Variants in THSD7B observed in about 807,000 individuals in gnomAD.
THSD7B encodes thrombospondin type 1 domain containing 7B, also known as thrombospondin type-1 domain-containing protein 7B.
In THSD7B, 138 loss-of-function variants were observed where a neutral mutation model predicts 213.6. The observed-to-expected ratio is 0.65, with a 90% confidence interval of 0.56 to 0.74. The LOEUF (loss-of-function observed/expected upper bound fraction) is 0.74. Ranked by LOEUF, THSD7B falls within the 30% of genes least tolerant of loss-of-function variation. THSD7B has a pLI of 0.00. For missense variants in THSD7B, 1,931 were observed against 1,991.5 expected (o/e 0.97, Z 0.58); for synonymous variants, 742 against 687.0 (o/e 1.08, Z -1.25).
chr2:137,627,337 G>T (rs1231699521), intron 20 of THSD7B, among the ~76,000 whole-genome samples: 1 of 152,152 alleles, frequency 6.6e-6, no homozygotes, highest in Non-Finnish European at 1.5e-5. Flanking sequence ...CTTTTGGTGG[G>T]CACAAACCAC....
At chr2:137,231,470 G>A (rs1681637859) in intron 8 of THSD7B, among the ~76,000 whole-genome samples, 1 of 152,058 alleles carries the variant, frequency 6.6e-6, no homozygotes, top group Non-Finnish European at 1.5e-5. Flanking sequence ...ACCTGTGTAT[G>A]GGCCATGGCA....
At chr2:137,651,565 C>A (rs1268943866) in intron 21 of THSD7B, among the ~76,000 whole-genome samples, 1 of 151,786 alleles carries the variant, frequency 6.6e-6, no homozygotes, top group Non-Finnish European at 1.5e-5. Flanking sequence ...TGACTTATGG[C>A]TACTCTGATG....
chr2:137,376,527 A>T (rs906832552), intron 12 of THSD7B, among the ~76,000 whole-genome samples: 1 of 152,204 alleles, frequency 6.6e-6, no homozygotes, highest in Non-Finnish European at 1.5e-5. Flanking sequence ...GAAGAGATAC[A>T]GGTGAAACTT....
chr2:137,263,561 A>G (rs192265048), intron 10 of THSD7B, among the ~76,000 whole-genome samples: 114 of 152,258 alleles, frequency 7.5e-4, no homozygotes, highest in East Asian at 4.8e-3. Flanking sequence ...AAGAATATAG[A>G]GTACATTTTT....
intron 2 of THSD7B, among the ~76,000 whole-genome samples, chr2:136,928,626 A>C (rs1262517995): frequency 2.0e-5 from 3 of 152,204 alleles, no homozygotes; most frequent in Non-Finnish European, 4.4e-5. Context: ...CATACAAAAA[A>C]TAACTGTATT....
chr2:136,960,821 G>A (rs764591417), intron 2 of THSD7B, among the ~76,000 whole-genome samples: 1 of 151,244 alleles, frequency 6.6e-6, no homozygotes, highest in African/African-American at 2.4e-5. Context: ...CGGGCGCAGT[G>A]GCTCAGGCCT....
chr2:136,890,459 TCTC>T (rs1401237654), intron 2 of THSD7B, among the ~76,000 whole-genome samples: 429 of 1,658 alleles, frequency 0.26, 180 homozygotes, highest in Non-Finnish European at 0.6. Flanking sequence ...TTCTTCTTCT[TCTC>T]CTTTCTTCTC....
chr2:137,489,266 A>G (rs1004548753), intron 15 of THSD7B, among the ~76,000 whole-genome samples: 2 of 151,930 alleles, frequency 1.3e-5, no homozygotes, highest in African/African-American at 4.8e-5. Context: ...CTCTACTAAA[A>G]TACAAAAAAT....
intron 2 of THSD7B, among the ~76,000 whole-genome samples, chr2:137,039,708 G>T (rs533847566): frequency 2.1e-4 from 32 of 152,352 alleles, no homozygotes; most frequent in African/African-American, 7.2e-4. Context: ...TCCTGCTGAA[G>T]GTCACACAGT....
intron 14 of THSD7B, among the ~76,000 whole-genome samples, chr2:137,414,408 G>A (rs6711149): frequency 0.085 from 12,902 of 151,496 alleles, 1,171 homozygotes; most frequent in African/African-American, 0.22. Context: ...GTGTGTGTGT[G>A]TATATATATA....
chr2:136,880,270 T>C (rs1369279709), intron 1 of THSD7B, among the ~76,000 whole-genome samples: 1 of 152,146 alleles, frequency 6.6e-6, no homozygotes, highest in Non-Finnish European at 1.5e-5. Flanking sequence ...AGCTATTTCT[T>C]TTCCTTGGCC....
chr2:137,315,314 T>C (rs536296553), intron 12 of THSD7B, among the ~76,000 whole-genome samples: 1 of 152,308 alleles, frequency 6.6e-6, no homozygotes, highest in South Asian at 2.1e-4. Context: ...GAAAGGGAAC[T>C]CCCTGACCCC....
intron 21 of THSD7B, among the ~76,000 whole-genome samples, chr2:137,646,487 C>CAAAA (rs35479231): frequency 1.2e-4 from 11 of 93,730 alleles, no homozygotes; most frequent in Non-Finnish European, 1.7e-4. Context: ...ACTACAAATA[C>CAAAA]AAAAAAAAAA....
chr2:137,450,432 T>C (rs914361863), intron 14 of THSD7B, among the ~76,000 whole-genome samples: 1 of 152,218 alleles, frequency 6.6e-6, no homozygotes, highest in Non-Finnish European at 1.5e-5. Context: ...TAAACATCTT[T>C]TTAAGTGAAA....
intron 5 of THSD7B, among the ~76,000 whole-genome samples, chr2:137,146,444 G>A (rs1991735): frequency 0.63 from 96,025 of 151,798 alleles, 30,754 homozygotes; most frequent in Middle Eastern, 0.71. Context: ...TGCCTCAGCC[G>A]TTTAGGAATC....
intron 1 of THSD7B, among the ~76,000 whole-genome samples, chr2:136,773,024 G>A (rs1185405464): frequency 6.6e-6 from 1 of 152,078 alleles, no homozygotes; most frequent in Non-Finnish European, 1.5e-5. Flanking sequence ...AAGTTGTAAA[G>A]AGATTTTTAC....
At chr2:136,984,847 C>A (rs568757932) in intron 2 of THSD7B, among the ~76,000 whole-genome samples, 10 of 152,242 alleles carry the variant, frequency 6.6e-5, no homozygotes, top group South Asian at 4.1e-4. Context: ...GAAGGCCAGG[C>A]TGAAGAGGTC....
chr2:137,285,754 A>T (rs909917407), intron 12 of THSD7B, among the ~76,000 whole-genome samples: 2 of 152,142 alleles, frequency 1.3e-5, no homozygotes, highest in African/African-American at 2.4e-5. Flanking sequence ...TATTTAACAC[A>T]ACATTTCATA....
chr2:137,285,836 G>T (rs1043366904), intron 12 of THSD7B, among the ~76,000 whole-genome samples: 3 of 152,008 alleles, frequency 2.0e-5, no homozygotes, highest in African/African-American at 7.2e-5. Context: ...GGGCGCAGTG[G>T]CTCACACCTG....
Sources: allele counts gnomAD v4.1 joint callset (sites outside exome capture counted in the v4.1 genomes callset), GRCh38; gene constraint gnomAD v4.1.1; transcripts MANE v1.5; gene names NCBI Gene and HGNC (gene_info 2026-07-23, HGNC 2026-07-21).